The following RLN2 variants were observed in gnomAD, a reference collection of about 807,000 sequenced individuals.
RLN2 encodes prorelaxin H2.
A neutral mutation model predicts 7.3 loss-of-function variants in RLN2; 10 were observed. The observed-to-expected ratio is 1.36, with a 90% CI of 0.84 to 2.31. RLN2 has a LOEUF of 2.31. Among genes scored for constraint, RLN2 ranks in the 30% most tolerant of loss-of-function variants. The pLI, the probability that RLN2 is intolerant of heterozygous loss-of-function variation, is 0.00. For missense variants in RLN2, 298 were observed against 217.6 expected (o/e 1.37, Z -2.32); for synonymous variants, 103 against 82.3 (o/e 1.25, Z -1.36).
the RLN2 span, among the ~76,000 whole-genome samples, chr9:5,310,667 A>G: frequency 6.6e-6 from 1 of 152,020 alleles, no homozygotes; most frequent in East Asian, 1.9e-4. Flanking sequence ...AAGAATTTGC[A>G]ATATACATTT....
At chr9:5,337,216 T>G in the RLN2 span, among the ~76,000 whole-genome samples, 61 of 152,126 alleles carry the variant, frequency 4.0e-4, 1 homozygote, top group Non-Finnish European at 7.2e-4. Flanking sequence ...GTAGTTGCAG[T>G]CTTATTAAAT....
the RLN2 span, among the ~76,000 whole-genome samples, chr9:5,311,224 C>T: frequency 2.0e-5 from 3 of 151,510 alleles, 1 homozygote; most frequent in East Asian, 3.9e-4. Context: ...AGGTCAAAAC[C>T]AAGATATTTT....
Position 5,300,417 on chromosome 9 carries a change from T to C in RLN2, c.239A>G (p.Asp80Gly). Reference protein sequence around the residue: ...AEIVPSFINKDTETINMMSEF... With the variant: ...AEIVPSFINKGTETINMMSEF... ...TGACATCATATTTATGGTTTCTGTATCTTTGTTGATGAAGGATGGCACAAT... is the reference window on the plus strand; with the variant it reads ...TGACATCATATTTATGGTTTCTGTACCTTTGTTGATGAAGGATGGCACAAT... The change falls in exon 2 of 2, where the codon GAT becomes GGT. Residue 80 changes from aspartate (D) to glycine (G), a missense_variant. Transcript: ENST00000381627. 2 of 1,607,920 alleles carry C rather than the reference T, an allele frequency of 1.2e-6. No individual in the cohort carries two copies. The highest frequency in any genetic ancestry group is 1.7e-6 in the Non-Finnish European group (2 of 1,177,588).
chr9:5,317,640 A>G, the RLN2 span, among the ~76,000 whole-genome samples: 1 of 151,894 alleles, frequency 6.6e-6, no homozygotes, highest in Admixed American at 6.6e-5. Context: ...TATTTGCCAC[A>G]TCTATTACAA....
the RLN2 span, among the ~76,000 whole-genome samples, chr9:5,323,109 C>G: frequency 1.3e-5 from 2 of 151,632 alleles, no homozygotes; most frequent in African/African-American, 2.4e-5. Context: ...ATTCACCACA[C>G]ATTTCCTCCT....
chr9:5,303,010 T>C (rs1201836295), intron 1 of RLN2, among the ~76,000 whole-genome samples: 1 of 112,306 alleles, frequency 8.9e-6, no homozygotes, highest in African/African-American at 3.5e-5. Flanking sequence ...TGTACATTTG[T>C]CTTTAATATG....
chr9:5,307,100 C>G (rs1267757969), upstream of RLN2, among the ~76,000 whole-genome samples: 1 of 151,882 alleles, frequency 6.6e-6, no homozygotes, highest in Non-Finnish European at 1.5e-5. Flanking sequence ...GACACAGCTG[C>G]CTGGGAGGGT....
chr9:5,331,737 G>A, the RLN2 span, among the ~76,000 whole-genome samples: 6 of 151,902 alleles, frequency 3.9e-5, no homozygotes, highest in East Asian at 3.9e-4. Flanking sequence ...TGATGGGTGC[G>A]GCAAACCAAC....
chr9:5,316,525 T>C, the RLN2 span, among the ~76,000 whole-genome samples: 1 of 152,006 alleles, frequency 6.6e-6, no homozygotes, highest in Non-Finnish European at 1.5e-5. Context: ...CCCACTTTTA[T>C]GAGTGAGAAC....
the RLN2 span, among the ~76,000 whole-genome samples, chr9:5,320,750 A>C: frequency 6.6e-6 from 1 of 152,132 alleles, no homozygotes; most frequent in Non-Finnish European, 1.5e-5. Context: ...CTTTATATTC[A>C]GAGGGCATTT....
chr9:5,323,261 A>T, the RLN2 span, among the ~76,000 whole-genome samples: 3 of 151,932 alleles, frequency 2.0e-5, no homozygotes, highest in Admixed American at 1.3e-4. Context: ...ACTCCTGTGC[A>T]TATGTGAGTA....
At chr9:5,310,200 C>T in the RLN2 span, among the ~76,000 whole-genome samples, 2 of 151,942 alleles carry the variant, frequency 1.3e-5, no homozygotes, top group Non-Finnish European at 2.9e-5. Context: ...TAATTCCTCC[C>T]TCCACCAATT....
chr9:5,313,883 G>C, the RLN2 span, among the ~76,000 whole-genome samples: 1 of 151,926 alleles, frequency 6.6e-6, no homozygotes, highest in African/African-American at 2.4e-5. Flanking sequence ...AGAAACCCAA[G>C]ATGGCCACAT....
chr9:5,305,602 T>C (rs1459597752), upstream of RLN2, among the ~76,000 whole-genome samples: 1 of 152,030 alleles, frequency 6.6e-6, no homozygotes, highest in African/African-American at 2.4e-5. Flanking sequence ...TTCTAGGTAA[T>C]ATGGTTAGTA....
chr9:5,324,742 A>G, the RLN2 span, among the ~76,000 whole-genome samples: 1 of 152,060 alleles, frequency 6.6e-6, no homozygotes, highest in East Asian at 1.9e-4. Flanking sequence ...TTTCACCTTT[A>G]TATCCTCATT....
chr9:5,325,850 T>C, the RLN2 span, among the ~76,000 whole-genome samples: 2 of 152,078 alleles, frequency 1.3e-5, no homozygotes, highest in Admixed American at 6.6e-5. Context: ...ACATCAATTT[T>C]TTTTTAATTT....
chr9:5,331,945 T>C, the RLN2 span, among the ~76,000 whole-genome samples: 1 of 152,006 alleles, frequency 6.6e-6, no homozygotes, highest in Non-Finnish European at 1.5e-5. Flanking sequence ...AAATGTATAT[T>C]ATGAAAATAC....
Position 5,300,073 on chromosome 9 carries a change from C to G in RLN2, c.*25G>C, listed in dbSNP as rs200379268. On this transcript the variant is annotated 3_prime_UTR_variant, in exon 2 of 2. Transcript: ENST00000381627. ...ATTAAGAATATGTGTGAATATTATACGAGATGTGCACAATTAGCTTCATCT... is the reference window on the plus strand; with the variant it reads ...ATTAAGAATATGTGTGAATATTATAGGAGATGTGCACAATTAGCTTCATCT... The G allele has an allele frequency of 7.3e-7, 1 of 1,371,586 alleles. No individual in the cohort carries two copies. Among genetic ancestry groups the G allele is most frequent in the South Asian group, 1.3e-5 (1 of 77,456 alleles). 85.0% of individuals were successfully genotyped at this position (1,371,586 alleles called of 1,614,324 possible).
the RLN2 span, among the ~76,000 whole-genome samples, chr9:5,320,614 G>A: frequency 1.6e-4 from 25 of 151,984 alleles, no homozygotes; most frequent in African/African-American, 5.6e-4. Context: ...CAGGGGATCC[G>A]CCCACCTCAG....
Sources: allele counts gnomAD v4.1 joint callset (sites outside exome capture counted in the v4.1 genomes callset), GRCh38; gene constraint gnomAD v4.1.1; transcripts MANE v1.5; gene names NCBI Gene and HGNC (gene_info 2026-07-23, HGNC 2026-07-21).